Variants in GTF2IRD1 observed in about 807,000 individuals in gnomAD.
GTF2IRD1 encodes GTF2I repeat domain containing 1, also known as general transcription factor II-I repeat domain-containing protein 1.
In GTF2IRD1, 26 loss-of-function variants were observed where a neutral mutation model predicts 113.2. That is an observed-to-expected ratio of 0.23 (90% CI 0.17 to 0.32). The LOEUF (loss-of-function observed/expected upper bound fraction) is 0.32. Ranked by LOEUF, GTF2IRD1 falls within the 10% of genes least tolerant of loss-of-function variation. The pLI is 1.00. For missense variants in GTF2IRD1, 864 were observed against 1,280.8 expected (o/e 0.67, Z 4.97); for synonymous variants, 484 against 529.1 (o/e 0.91, Z 1.17).
At chr7:74,601,596 A>G (rs1274071835) in intron 26 of GTF2IRD1, 3 of 691,146 alleles carry the variant, frequency 4.3e-6, no homozygotes, top group Admixed American at 3.4e-5. Flanking sequence ...AACACGGGGA[A>G]ACCCCATCTC....
chr7:74,535,946 C>T (rs1798267127), intron 10 of GTF2IRD1, among the ~76,000 whole-genome samples: 1 of 152,194 alleles, frequency 6.6e-6, no homozygotes, highest in Admixed American at 6.5e-5. Flanking sequence ...AATCTCTGGC[C>T]ACCTCTGGCA....
intron 1 of GTF2IRD1, among the ~76,000 whole-genome samples, chr7:74,501,253 G>A (rs1044715155): frequency 1.3e-5 from 2 of 152,142 alleles, no homozygotes; most frequent in Non-Finnish European, 2.9e-5. Flanking sequence ...ATCATTCCAC[G>A]GGGGAAGGGG....
intron 22 of GTF2IRD1, among the ~76,000 whole-genome samples, chr7:74,583,696 G>A (rs1431830576): frequency 6.6e-6 from 1 of 152,020 alleles, no homozygotes; most frequent in Non-Finnish European, 1.5e-5. Context: ...CGACTGCCCC[G>A]TAGTGTCACT....
intron 1 of GTF2IRD1, among the ~76,000 whole-genome samples, chr7:74,473,371 G>A (rs951127505): frequency 5.9e-5 from 9 of 151,956 alleles, no homozygotes; most frequent in Non-Finnish European, 1.3e-4. Flanking sequence ...GGGCTGCCAA[G>A]AGCTCTGGAA....
At chr7:74,470,389 A>G (rs1794010536) in intron 1 of GTF2IRD1, among the ~76,000 whole-genome samples, 1 of 152,184 alleles carries the variant, frequency 6.6e-6, no homozygotes, top group Non-Finnish European at 1.5e-5. Flanking sequence ...CACTCTGAAA[A>G]GAAGCCTGTT....
chr7:74,543,990 A>G lies in GTF2IRD1; in HGVS notation c.1619-765A>G, dbSNP rs587650693. Among the ~76,000 whole-genome samples the G allele has an allele frequency of 9.2e-5, 14 of 151,742 alleles. No homozygotes were observed. The South Asian group carries it at 2.7e-3, about 29-fold the overall frequency. On this transcript the variant is annotated intron_variant, in intron 14 of 26. Coordinates refer to ENST00000424337, the MANE Select transcript of GTF2IRD1 (RefSeq NM_005685.4). ...CTTGAGCCCAAGAGGTTGAGGCTGT[A>G]GTGAGCTGTGATTGCTCCACTGCAC...
intron 14 of GTF2IRD1, among the ~76,000 whole-genome samples, chr7:74,544,137 T>C (rs587635130): frequency 2.0e-5 from 3 of 152,336 alleles, no homozygotes; most frequent in Admixed American, 2.0e-4. Context: ...ATTCATGTGA[T>C]GACTATTTTA....
rs1554360825 is a variant in GTF2IRD1, at chr7:74,566,818, G to A, written c.2320+7163G>A. On this transcript the variant is annotated intron_variant, in intron 22 of 26. Coordinates refer to ENST00000424337, the MANE Select transcript of GTF2IRD1 (RefSeq NM_005685.4). The stretch of plus-strand genomic sequence containing the variant: ...AGTCTTTACCATTTTATTATACTTC[G>A]GAACCCAGGGCAGGCTCTACCACTA... 4.6e-5 allele frequency among the ~76,000 whole-genome samples: 7 copies of A among 152,156 alleles called. No individual in the cohort carries two copies. The South Asian group carries it at 1.0e-3, about 23-fold the overall frequency.
chr7:74,571,576 T>TG (rs1235512939), intron 22 of GTF2IRD1, among the ~76,000 whole-genome samples: 6 of 152,334 alleles, frequency 3.9e-5, no homozygotes, highest in Non-Finnish European at 7.4e-5. Flanking sequence ...AATTACATGC[T>TG]GCTAGCTGGG....
chr7:74,514,680 G>C (rs1247994064), intron 3 of GTF2IRD1, among the ~76,000 whole-genome samples: 1 of 151,868 alleles, frequency 6.6e-6, no homozygotes, highest in East Asian at 2.0e-4. Context: ...CCTTGGAGCA[G>C]GGGTTGGGGG....
chr7:74,550,578 C>T (rs1238989099), intron 17 of GTF2IRD1, among the ~76,000 whole-genome samples: 2 of 151,772 alleles, frequency 1.3e-5, no homozygotes, highest in African/African-American at 2.4e-5. Context: ...CAGAGTAAGA[C>T]CCTGTCTCGA....
chr7:74,535,405 T>C (rs1007916368), intron 10 of GTF2IRD1, among the ~76,000 whole-genome samples: 2 of 152,230 alleles, frequency 1.3e-5, no homozygotes, highest in African/African-American at 4.8e-5. Context: ...TTGGTGAACC[T>C]GAGCCTGTGC....
intron 1 of GTF2IRD1, among the ~76,000 whole-genome samples, chr7:74,499,584 G>A (rs1371705031): frequency 2.0e-5 from 3 of 151,802 alleles, no homozygotes; most frequent in African/African-American, 7.3e-5. Context: ...ACACACTAAA[G>A]AATAAATGAA....
chr7:74,501,466 G>C (rs1554339480), intron 1 of GTF2IRD1, among the ~76,000 whole-genome samples: 1 of 152,108 alleles, frequency 6.6e-6, no homozygotes, highest in South Asian at 2.1e-4. Flanking sequence ...CTCCGGAGGG[G>C]GCGGTCCTTG....
At chr7:74,475,884 T>C (rs1794372956) in intron 1 of GTF2IRD1, among the ~76,000 whole-genome samples, 1 of 152,142 alleles carries the variant, frequency 6.6e-6, no homozygotes, top group Non-Finnish European at 1.5e-5. Flanking sequence ...ATCCTGCCTG[T>C]CTGGTGACAT....
intron 22 of GTF2IRD1, among the ~76,000 whole-genome samples, chr7:74,562,549 T>C (rs587712014): frequency 7.8e-5 from 11 of 140,212 alleles, no homozygotes; most frequent in Non-Finnish European, 1.4e-4. Context: ...TTCCGCCAAT[T>C]GCCCTCTTTT....
At chr7:74,546,969 C>T in intron 16 of GTF2IRD1, 134 bp from the exon 17 acceptor site, 1 of 775,426 alleles carries the variant, frequency 1.3e-6, no homozygotes. Context: ...CCACTCTTTC[C>T]ACATCCCAGG....
At chr7:74,585,086 G>A (rs1156396729) in intron 22 of GTF2IRD1, among the ~76,000 whole-genome samples, 7 of 149,690 alleles carry the variant, frequency 4.7e-5, no homozygotes, top group Non-Finnish European at 1.0e-4. Flanking sequence ...ACAGATGTGA[G>A]CCACCGCGCC....
chr7:74,494,743 C>A (rs782396630), intron 1 of GTF2IRD1, among the ~76,000 whole-genome samples: 12 of 151,914 alleles, frequency 7.9e-5, no homozygotes, highest in South Asian at 2.1e-4. Context: ...AACAAAAAAC[C>A]AAAAAACTTA....
Sources: gnomAD v4.1 joint callset for allele counts (sites outside exome capture counted in the v4.1 genomes callset) on GRCh38, gnomAD v4.1.1 for gene constraint, MANE v1.5 for transcripts, NCBI Gene and HGNC (gene_info 2026-07-23, HGNC 2026-07-21) for gene names.